The following ATG10 variants were observed in gnomAD, a reference collection of about 807,000 sequenced individuals.
The protein encoded by ATG10 is autophagy related 10.
In ATG10, 30 loss-of-function variants were observed where a neutral mutation model predicts 32.1. The ratio of observed to expected loss-of-function variants is 0.94; its 90% confidence interval spans 0.70 to 1.27. ATG10 has a LOEUF of 1.27. ATG10 is among the 50% of genes most tolerant of loss of function. The pLI is 0.00. For synonymous variants in ATG10, 87 were observed against 91.5 expected, an observed-to-expected ratio of 0.95 and a Z score of 0.28; for missense variants, 233 against 262.3, an observed-to-expected ratio of 0.89 and a Z score of 0.77.
rs537339325 is a variant in ATG10 at position 82,136,988 on chromosome 5, C to T, written c.217-27411C>T. Among the ~76,000 whole-genome samples, 61 of 151,998 alleles carry T rather than the reference C, an allele frequency of 4.0e-4. 1 individual carries two copies. The highest frequency in any genetic ancestry group is 3.6e-3 in the Admixed American group (55 of 15,274). ...CTTCAATCTCTGATATCCTTTCTTC[C>T]GCTTGATTGATTCAGCTATTGGTAC... is the stretch of plus-strand genomic sequence containing the variant. On this transcript the variant is annotated intron_variant, in intron 3 of 7. Transcript: ENST00000282185.
chr5:82,192,750 A>G (rs1484204000), intron 5 of ATG10, among the ~76,000 whole-genome samples: 1 of 152,212 alleles, frequency 6.6e-6, no homozygotes, highest in Non-Finnish European at 1.5e-5. Context: ...AAAGCAGTGG[A>G]CACAATTTCT....
At chr5:81,993,102 G>T (rs1286862665) in intron 2 of ATG10, among the ~76,000 whole-genome samples, 3 of 152,134 alleles carry the variant, frequency 2.0e-5, no homozygotes, top group South Asian at 2.1e-4. Context: ...GGTCTTCACA[G>T]TCAGACAGAT....
At chr5:82,100,378 C>T (rs902781221) in intron 3 of ATG10, among the ~76,000 whole-genome samples, 33 of 152,032 alleles carry the variant, frequency 2.2e-4, no homozygotes, top group African/African-American at 4.8e-4. Flanking sequence ...CCCATCCCCA[C>T]GTTTTCCCTG....
chr5:82,225,004 A>G (rs1457068898), intron 5 of ATG10, among the ~76,000 whole-genome samples: 1 of 152,208 alleles, frequency 6.6e-6, no homozygotes, highest in African/African-American at 2.4e-5. Context: ...TTCTTTCAAA[A>G]TTGTCTGATT....
rs550338593 is a variant in ATG10, at chr5:82,232,072, T to C, written c.454-20490T>C. 4.8e-4 allele frequency among the ~76,000 whole-genome samples: 73 copies of C among 152,322 alleles called. No individual in the cohort carries two copies. The Middle Eastern group carries it at 0.01, about 21-fold the overall frequency. ...CCAGACATAAGTATCTGGTTATCAA[T>C]AAATTAGGCTGGTTTTGTGAATGTA... On this transcript the variant is annotated intron_variant, in intron 5 of 7. Coordinates refer to ENST00000282185, the MANE Select transcript of ATG10 (RefSeq NM_031482.5).
At chr5:82,098,944 T>A (rs977280348) in intron 3 of ATG10, among the ~76,000 whole-genome samples, 4 of 152,188 alleles carry the variant, frequency 2.6e-5, no homozygotes, top group African/African-American at 9.6e-5. Flanking sequence ...TAAAATGGCA[T>A]TACATCTTGA....
chr5:82,182,491 G>A (rs1744273398), intron 5 of ATG10, among the ~76,000 whole-genome samples: 1 of 152,058 alleles, frequency 6.6e-6, no homozygotes, highest in Admixed American at 6.6e-5. Flanking sequence ...TGGGTAGATG[G>A]TTAAACAGAG....
intron 2 of ATG10, among the ~76,000 whole-genome samples, chr5:82,007,650 C>T (rs1407660456): frequency 6.6e-6 from 1 of 152,080 alleles, no homozygotes; most frequent in African/African-American, 2.4e-5. Context: ...GATGAGGTCT[C>T]ACTGTATTGC....
chr5:82,250,601 C>T (rs1747216269), intron 5 of ATG10, among the ~76,000 whole-genome samples: 1 of 152,116 alleles, frequency 6.6e-6, no homozygotes, highest in Admixed American at 6.5e-5. Flanking sequence ...CTTCCCTTTC[C>T]AAGTCTAATG....
intron 5 of ATG10, among the ~76,000 whole-genome samples, chr5:82,202,175 G>T (rs1311687115): frequency 1.3e-5 from 2 of 152,146 alleles, no homozygotes; most frequent in Non-Finnish European, 2.9e-5. Flanking sequence ...GGCCATGATG[G>T]TTAATTTTTT....
chr5:82,254,562 G>GAAAAA lies in ATG10; in HGVS notation c.*514_*518dup, dbSNP rs397948122. 2 of 78,506 alleles carry GAAAAA rather than the reference G, an allele frequency of 2.5e-5. No individual in the cohort carries two copies. Among genetic ancestry groups the GAAAAA allele is most frequent in the Admixed American group, 3.0e-4 (2 of 6,662 alleles). The allele number at this position is 78,506 out of a possible 1,614,324, so 4.9% of individuals were successfully genotyped here. A position where few individuals can be genotyped will look rare whatever the true frequency, so the allele number is the denominator to read the frequency against. On this transcript the variant is annotated 3_prime_UTR_variant, in exon 8 of 8. Coordinates refer to ENST00000282185, the MANE Select transcript of ATG10 (RefSeq NM_031482.5). The stretch of plus-strand genomic sequence containing the variant: ...TGACAGAGCCAGACACTGTCTCGGG[G>GAAAAA]AAAAAAAAAAAAAAAAAAAGACACA...
At chr5:82,004,741 A>G (rs751984226) in intron 2 of ATG10, among the ~76,000 whole-genome samples, 1 of 152,110 alleles carries the variant, frequency 6.6e-6, no homozygotes, top group Admixed American at 6.6e-5. Flanking sequence ...AGATGAGTCC[A>G]CTCATCATGC....
intron 3 of ATG10, among the ~76,000 whole-genome samples, chr5:82,064,569 A>G (rs1289882224): frequency 6.6e-6 from 1 of 152,120 alleles, no homozygotes; most frequent in Non-Finnish European, 1.5e-5. Context: ...ACACACATTT[A>G]TGCCAGCATT....
chr5:82,106,424 T>C (rs1264651774), intron 3 of ATG10, among the ~76,000 whole-genome samples: 3 of 152,106 alleles, frequency 2.0e-5, no homozygotes, highest in East Asian at 1.9e-4. Flanking sequence ...TACAGTGTTA[T>C]GTGATTTGCT....
intron 2 of ATG10, among the ~76,000 whole-genome samples, chr5:82,046,127 C>T (rs933061120): frequency 6.6e-6 from 1 of 152,172 alleles, no homozygotes; most frequent in Admixed American, 6.5e-5. Flanking sequence ...CCTGTGTGAG[C>T]TGTCTTCAGG....
At chr5:82,015,695 T>C (rs1474094215) in intron 2 of ATG10, among the ~76,000 whole-genome samples, 1 of 152,236 alleles carries the variant, frequency 6.6e-6, no homozygotes, top group African/African-American at 2.4e-5. Flanking sequence ...TTTAAGTACT[T>C]CTCTACATTG....
chr5:82,100,570 C>T (rs1193138671), intron 3 of ATG10, among the ~76,000 whole-genome samples: 1 of 151,998 alleles, frequency 6.6e-6, no homozygotes, highest in South Asian at 2.1e-4. Flanking sequence ...AACTAGCATC[C>T]CCAGAGCATT....
At chr5:82,220,301 C>G (rs570681449) in intron 5 of ATG10, among the ~76,000 whole-genome samples, 1 of 151,840 alleles carries the variant, frequency 6.6e-6, no homozygotes, top group African/African-American at 2.4e-5. Context: ...CTCGCTCTGT[C>G]ACCCAGGCTG....
rs536569405 is a variant in ATG10 at position 82,064,429 on chromosome 5, A to G, written c.216+5827A>G. 2.6e-5 allele frequency among the ~76,000 whole-genome samples: 4 copies of G among 152,248 alleles called. No homozygotes were observed. In the South Asian group the frequency reaches 8.3e-4, roughly 32 times the overall value. On this transcript the variant is annotated intron_variant, in intron 3 of 7. Coordinates refer to ENST00000282185, the MANE Select transcript of ATG10 (RefSeq NM_031482.5). ...ATACCAAAGATATGTAGATATGTGA[A>G]TGGATATCAAACTTGAGGGAAGGGT...
Sources: gnomAD v4.1 joint callset for allele counts (sites outside exome capture counted in the v4.1 genomes callset) on GRCh38, gnomAD v4.1.1 for gene constraint, MANE v1.5 for transcripts, NCBI Gene and HGNC (gene_info 2026-07-23, HGNC 2026-07-21) for gene names.